The following DLGAP2 variants were observed in gnomAD, a reference collection of about 807,000 sequenced individuals.
DLGAP2 encodes DLG associated protein 2, also known as disks large-associated protein 2.
A neutral mutation model predicts 100.3 loss-of-function variants in DLGAP2; 26 were observed. The ratio of observed to expected loss-of-function variants is 0.26; its 90% CI spans 0.19 to 0.36. The LOEUF is 0.36. Among genes scored for constraint, DLGAP2 ranks in the 10% least tolerant of loss-of-function variants. The pLI is 1.00. For missense variants in DLGAP2, 1,858 were observed against 1,453.2 expected (o/e 1.28, Z -4.53); for synonymous variants, 886 against 630.1 (o/e 1.41, Z -6.08).
chr8:1,622,799 T>C (rs947346759), intron 6 of DLGAP2, among the ~76,000 whole-genome samples: 2 of 152,322 alleles, frequency 1.3e-5, no homozygotes, highest in East Asian at 1.9e-4. Context: ...CCGCAGGAAT[T>C]ACCACTTAGA....
chr8:1,604,502 A>G (rs973953799), intron 6 of DLGAP2: 1 of 152,194 alleles, frequency 6.6e-6, no homozygotes, highest in African/African-American at 2.4e-5. Flanking sequence ...TCTAAATTCC[A>G]TCTCCGGGGA....
chr8:1,690,860 G>A (rs1009621841), intron 12 of DLGAP2, among the ~76,000 whole-genome samples: 21 of 152,028 alleles, frequency 1.4e-4, no homozygotes, highest in African/African-American at 5.1e-4. Flanking sequence ...ACATATACTG[G>A]GTACATGGAT....
chr8:1,259,698 G>A (rs1799306187), intron 3 of DLGAP2: 2 of 152,170 alleles, frequency 1.3e-5, no homozygotes, highest in Admixed American at 1.3e-4. Context: ...ATCCCAACGT[G>A]TGACTCTAAA....
intron 1 of DLGAP2, among the ~76,000 whole-genome samples, chr8:888,773 C>A (rs1192644412): frequency 6.6e-6 from 1 of 151,972 alleles, no homozygotes; most frequent in Admixed American, 6.6e-5. Context: ...GGACCTCTGA[C>A]CTTGAGGGGC....
chr8:1,025,922 G>A (rs1372471372), intron 2 of DLGAP2, among the ~76,000 whole-genome samples: 4 of 152,168 alleles, frequency 2.6e-5, no homozygotes, highest in African/African-American at 7.2e-5. Flanking sequence ...GGAAAGTTCC[G>A]TAGAGTTTCT....
intron 2 of DLGAP2, among the ~76,000 whole-genome samples, chr8:1,069,345 C>T (rs1803357688): frequency 1.3e-5 from 2 of 152,200 alleles, no homozygotes; most frequent in South Asian, 4.1e-4. Flanking sequence ...GGCCCGTGGA[C>T]AGGTCGCGAG....
intron 8 of DLGAP2, among the ~76,000 whole-genome samples, chr8:1,642,372 C>A (rs56240138): frequency 0.022 from 81 of 3,714 alleles, 1 homozygote; most frequent in Non-Finnish European, 0.029. Context: ...TCACCCTCGA[C>A]CCCGCCGGCC....
chr8:1,519,399 A>G (rs1800510915), intron 4 of DLGAP2, among the ~76,000 whole-genome samples: 1 of 152,184 alleles, frequency 6.6e-6, no homozygotes. Context: ...TTTGCACGAC[A>G]AGTTCATTAA....
intron 3 of DLGAP2, among the ~76,000 whole-genome samples, chr8:1,287,144 G>A (rs1799939517): frequency 7.5e-6 from 1 of 133,500 alleles, no homozygotes. Context: ...GTGTGTGTGT[G>A]TGTGTGTGTG....
chr8:1,586,765 A>G (rs776308589), intron 6 of DLGAP2, among the ~76,000 whole-genome samples: 11 of 152,194 alleles, frequency 7.2e-5, no homozygotes, highest in South Asian at 2.1e-4. Context: ...AACTGCCTCT[A>G]TGTTTTTATT....
At chr8:1,439,769 C>G (rs990154174) in intron 3 of DLGAP2, among the ~76,000 whole-genome samples, 7 of 152,180 alleles carry the variant, frequency 4.6e-5, no homozygotes, top group African/African-American at 1.2e-4. Context: ...CCACCATCCC[C>G]CAGACTGCTT....
intron 4 of DLGAP2, among the ~76,000 whole-genome samples, chr8:1,532,767 T>C (rs1801026719): frequency 6.6e-6 from 1 of 152,208 alleles, no homozygotes; most frequent in South Asian, 2.1e-4. Flanking sequence ...TTTCTCTGCT[T>C]TCTACTGACG....
At chr8:1,238,480 G>C (rs1798713707) in intron 2 of DLGAP2, among the ~76,000 whole-genome samples, 1 of 132,642 alleles carries the variant, frequency 7.5e-6, no homozygotes, top group African/African-American at 2.7e-5. Context: ...ATGGCACCAT[G>C]TCTGCTTCTC....
chr8:944,755 G>A (rs1279820782), intron 2 of DLGAP2, among the ~76,000 whole-genome samples: 1 of 151,740 alleles, frequency 6.6e-6, no homozygotes, highest in Admixed American at 6.6e-5. Flanking sequence ...TGATCTGGTG[G>A]GTGGTAACTG....
intron 3 of DLGAP2, among the ~76,000 whole-genome samples, chr8:1,337,024 T>A (rs181475261): frequency 1.3e-5 from 2 of 152,296 alleles, no homozygotes; most frequent in East Asian, 3.9e-4. Flanking sequence ...TCTAGAATAG[T>A]CATTGGTGAT....
intron 1 of DLGAP2, among the ~76,000 whole-genome samples, chr8:784,956 C>G (rs1161961131): frequency 6.6e-6 from 1 of 152,020 alleles, no homozygotes; most frequent in East Asian, 1.9e-4. Context: ...GCCTGTAATC[C>G]CAGCACTTTG....
At chr8:1,407,457 G>A (rs139371326) in intron 3 of DLGAP2, among the ~76,000 whole-genome samples, 1,336 of 90,726 alleles carry the variant, frequency 0.015, 29 homozygotes, top group Middle Eastern at 0.025. Context: ...CTTACTGAGC[G>A]CCACCTCCTC....
chr8:1,603,472 G>C (rs547482366), intron 6 of DLGAP2, among the ~76,000 whole-genome samples: 1 of 151,676 alleles, frequency 6.6e-6, no homozygotes, highest in Non-Finnish European at 1.5e-5. Context: ...CAGTTCTGTA[G>C]AGGCTGGTTA....
At chr8:1,133,431 T>G (rs1385404797) in intron 2 of DLGAP2, among the ~76,000 whole-genome samples, 1 of 152,164 alleles carries the variant, frequency 6.6e-6, no homozygotes, top group South Asian at 2.1e-4. Context: ...TATATATGAA[T>G]AAAAATATAT....
Sources: allele counts gnomAD v4.1 joint callset (sites outside exome capture counted in the v4.1 genomes callset), GRCh38; gene constraint gnomAD v4.1.1; transcripts MANE v1.5; gene names NCBI Gene and HGNC (gene_info 2026-07-23, HGNC 2026-07-21).